GRIK2: variants seen among roughly 807,000 people sequenced by gnomAD.
GRIK2 encodes the protein glutamate receptor ionotropic, kainate 2.
Under a neutral mutation model 100.3 loss-of-function variants are expected in GRIK2, and 32 were observed. That is an observed-to-expected ratio of 0.32 (90% CI 0.24 to 0.43). The LOEUF is 0.43. Ranked by LOEUF, GRIK2 falls within the 20% of genes least tolerant of loss-of-function variation. The pLI, the probability that GRIK2 is intolerant of heterozygous loss-of-function variation, is 1.00. For synonymous variants in GRIK2, 417 were observed against 389.4 expected (o/e 1.07, Z -0.83); for missense variants, 843 against 1,114.9 (o/e 0.76, Z 3.47).
intron 13 of GRIK2, among the ~76,000 whole-genome samples, chr6:101,925,789 A>G (rs1252633728): frequency 6.6e-6 from 1 of 152,058 alleles, no homozygotes; most frequent in Non-Finnish European, 1.5e-5. Context: ...GTGGAAATTT[A>G]TGTTGTTATA....
chr6:101,624,884 A>C (rs531005072), intron 3 of GRIK2, among the ~76,000 whole-genome samples: 2 of 152,118 alleles, frequency 1.3e-5, no homozygotes, highest in Non-Finnish European at 2.9e-5. Flanking sequence ...GGCACACAGC[A>C]CCATGCCCAG....
intron 14 of GRIK2, among the ~76,000 whole-genome samples, chr6:102,011,556 CTTTTTTTTTTCTTTCTTTTCCTTTT>C (rs1308705370): frequency 3.8e-5 from 3 of 79,042 alleles, no homozygotes; most frequent in South Asian, 3.9e-4. Context: ...TGAGTTATTT[CTTTTTTTTTTCTTTCTTTTCCTTTT>C]TTTTTTTTTT....
chr6:101,903,161 G>C (rs544265562), intron 12 of GRIK2, among the ~76,000 whole-genome samples: 4 of 151,828 alleles, frequency 2.6e-5, no homozygotes, highest in Non-Finnish European at 4.4e-5. Flanking sequence ...CTTCCTCTCT[G>C]TATATCTTAT....
At chr6:101,733,708 C>T (rs201163985) in intron 7 of GRIK2, among the ~76,000 whole-genome samples, 1 of 83,934 alleles carries the variant, frequency 1.2e-5, no homozygotes. Context: ...ATTCCTCTTT[C>T]TTTTTTTTTT....
At chr6:101,647,379 CAT>C (rs968388996) in intron 4 of GRIK2, among the ~76,000 whole-genome samples, 3 of 152,104 alleles carry the variant, frequency 2.0e-5, no homozygotes, top group African/African-American at 7.2e-5. Flanking sequence ...GAAGTTAAGA[CAT>C]GTGGAAAACA....
At chr6:101,786,551 A>G (rs1028231016) in intron 7 of GRIK2, among the ~76,000 whole-genome samples, 1 of 152,060 alleles carries the variant, frequency 6.6e-6, no homozygotes, top group African/African-American at 2.4e-5. Flanking sequence ...TTGAGATCAC[A>G]TGATTTTTAC....
At chr6:101,454,462 C>T (rs990292075) in intron 2 of GRIK2, among the ~76,000 whole-genome samples, 1 of 152,194 alleles carries the variant, frequency 6.6e-6, no homozygotes, top group Admixed American at 6.5e-5. Context: ...CTAGACCTTC[C>T]CGTCAGGGGA....
At chr6:101,719,630 A>G (rs534358932) in intron 7 of GRIK2, among the ~76,000 whole-genome samples, 2 of 152,016 alleles carry the variant, frequency 1.3e-5, no homozygotes, top group African/African-American at 4.8e-5. Context: ...CTGGGAAAAC[A>G]TATATTTTAT....
At chr6:101,520,493 T>C (rs1774828147) in intron 2 of GRIK2, among the ~76,000 whole-genome samples, 1 of 151,958 alleles carries the variant, frequency 6.6e-6, no homozygotes, top group Admixed American at 6.6e-5. Flanking sequence ...AGGTGTTGGA[T>C]ATCCAAATGA....
chr6:101,662,732 A>C lies in GRIK2; in HGVS notation c.542-13891A>C, dbSNP rs6907727. ...ATGGTTACCCATTCTGAACACTTCT[A>C]TCGTGCTTTGGAGATTCTCACATTA... On this transcript the variant is annotated intron_variant, in intron 4 of 16. Transcript: ENST00000369134. Among the ~76,000 whole-genome samples the C allele has an allele frequency of 5.9e-5, 9 of 152,102 alleles. No homozygotes were observed. The East Asian group carries it at 1.8e-3, about 30-fold the overall frequency.
chr6:101,654,675 T>C (rs1781972627), intron 4 of GRIK2, among the ~76,000 whole-genome samples: 1 of 152,194 alleles, frequency 6.6e-6, no homozygotes, highest in Non-Finnish European at 1.5e-5. Flanking sequence ...TCAACTAGGC[T>C]ACTTCCAACT....
intron 2 of GRIK2, among the ~76,000 whole-genome samples, chr6:101,496,626 T>C (rs1773463329): frequency 6.6e-6 from 1 of 152,192 alleles, no homozygotes; most frequent in African/African-American, 2.4e-5. Flanking sequence ...CTTTTTAAAG[T>C]AATAAGGTTG....
intron 2 of GRIK2, among the ~76,000 whole-genome samples, chr6:101,417,533 T>C (rs937573293): frequency 2.6e-5 from 4 of 152,182 alleles, no homozygotes; most frequent in Non-Finnish European, 5.9e-5. Flanking sequence ...TTTAACACAT[T>C]TAGGCTGCCT....
At chr6:101,738,312 T>C (rs1775807778) in intron 7 of GRIK2, among the ~76,000 whole-genome samples, 2 of 152,104 alleles carry the variant, frequency 1.3e-5, no homozygotes, top group Admixed American at 1.3e-4. Flanking sequence ...GTCAACTACA[T>C]GTATATATGT....
chr6:101,898,350 C>T (rs1787614462), intron 12 of GRIK2, among the ~76,000 whole-genome samples: 2 of 151,894 alleles, frequency 1.3e-5, no homozygotes, highest in Non-Finnish European at 1.5e-5. Flanking sequence ...ATCATGTTAA[C>T]TTTACCTTCT....
chr6:101,558,309 G>C (rs1327394114), intron 2 of GRIK2, among the ~76,000 whole-genome samples: 4 of 152,140 alleles, frequency 2.6e-5, no homozygotes, highest in Non-Finnish European at 4.4e-5. Context: ...CCAACCTGGA[G>C]TTTCCATTTA....
At chr6:101,818,532 G>A (rs781515341) in intron 10 of GRIK2, 49 bp downstream of exon 10, 1 of 971,772 alleles carries the variant, frequency 1.0e-6, no homozygotes, top group African/African-American at 1.6e-5. Context: ...GATGAACACA[G>A]AAGTGCATAG....
At chr6:101,686,925 G>A (rs1230357992) in intron 7 of GRIK2, among the ~76,000 whole-genome samples, 1 of 151,976 alleles carries the variant, frequency 6.6e-6, no homozygotes, top group Non-Finnish European at 1.5e-5. Context: ...AGTTGTTTAT[G>A]CCAAACAACT....
In GRIK2 at chr6:101,744,544, A is replaced by ATC. The variant is rs1349411548; in HGVS notation, c.952-55103_952-55102insCT. The ATC allele has an allele frequency of 4.7e-4, 58 of 123,730 alleles. 1 individual carries two copies. The highest frequency in any genetic ancestry group is 1.6e-3 in the African/African-American group (52 of 32,132). 7.7% of individuals were successfully genotyped at this position (123,730 alleles called of 1,614,324 possible). A position where few individuals can be genotyped will look rare whatever the true frequency, so the allele number is the denominator to read the frequency against. ...CGCGCATATATATATATATATATAT[A>ATC]TATATATATATATATCACAATTTCT... On this transcript the variant is annotated intron_variant, in intron 7 of 16. Transcript: ENST00000369134.
Sources: gnomAD v4.1 joint callset for allele counts (sites outside exome capture counted in the v4.1 genomes callset) on GRCh38, gnomAD v4.1.1 for gene constraint, MANE v1.5 for transcripts, NCBI Gene and HGNC (gene_info 2026-07-23, HGNC 2026-07-21) for gene names.